The following PLEKHA6 variants were observed in gnomAD, a reference collection of about 807,000 sequenced individuals.
PLEKHA6 encodes pleckstrin homology domain containing A6.
In PLEKHA6, 60 loss-of-function variants were observed where a neutral mutation model predicts 116.7. That is an observed-to-expected ratio of 0.51 (90% CI 0.42 to 0.64). PLEKHA6 has a LOEUF of 0.64. PLEKHA6 is among the 30% of genes least tolerant of loss of function. The pLI is 0.00. For synonymous variants in PLEKHA6, 489 were observed against 556.1 expected (o/e 0.88, Z 1.70); for missense variants, 1,338 against 1,422.7 (o/e 0.94, Z 0.96).
At chr1:204,265,088 A>T (rs1553259100) in intron 5 of PLEKHA6, 46 bp from the exon 6 acceptor site, 2 of 1,310,126 alleles carry the variant, frequency 1.5e-6, no homozygotes, top group Non-Finnish European at 2.2e-6. Flanking sequence ...TGTGTGTGCA[A>T]GCGTGTGCGT....
At chr1:204,356,949 G>A (rs1673431606) in intron 1 of PLEKHA6, among the ~76,000 whole-genome samples, 1 of 152,162 alleles carries the variant, frequency 6.6e-6, no homozygotes, top group Non-Finnish European at 1.5e-5. Context: ...GAACAAAAAT[G>A]TTCCTCTTGT....
chr1:204,343,739 C>CTT (rs1558192666), intron 1 of PLEKHA6, among the ~76,000 whole-genome samples: 1 of 152,166 alleles, frequency 6.6e-6, no homozygotes, highest in Non-Finnish European at 1.5e-5. Context: ...TCACTGGGGG[C>CTT]TTTCAAGCAG....
In PLEKHA6 at chr1:204,222,190, A is replaced by G. The variant is rs972580415; in HGVS notation, c.*598T>C. On this transcript the variant is annotated 3_prime_UTR_variant, in exon 23 of 23. Transcript: ENST00000272203. ...TCTCTCATCACCTTGTCTTTGGCTCAAGCAGGGTGGTCAGTCTCCACCGGA... is the reference window on the plus strand; with the variant it reads ...TCTCTCATCACCTTGTCTTTGGCTCGAGCAGGGTGGTCAGTCTCCACCGGA... 6.6e-6 allele frequency: 1 copy of G among 152,660 alleles called. No individual in the cohort carries two copies. The highest frequency in any genetic ancestry group is 1.5e-5 in the Non-Finnish European group (1 of 68,236). The allele number at this position is 152,660 out of a possible 1,614,324, so 9.5% of individuals were successfully genotyped here.
At chr1:204,333,013 G>A (rs1237043596) in intron 1 of PLEKHA6, among the ~76,000 whole-genome samples, 1 of 152,234 alleles carries the variant, frequency 6.6e-6, no homozygotes, top group Non-Finnish European at 1.5e-5. Flanking sequence ...GGGAGGAGGA[G>A]GCAGGTTTCT....
chr1:204,335,865 C>T (rs1672630108), intron 1 of PLEKHA6, among the ~76,000 whole-genome samples: 1 of 152,180 alleles, frequency 6.6e-6, no homozygotes, highest in Non-Finnish European at 1.5e-5. Flanking sequence ...TTTGGCTCTG[C>T]CACAGCCCCT....
intron 1 of PLEKHA6, among the ~76,000 whole-genome samples, chr1:204,330,110 T>C (rs1672394850): frequency 6.6e-6 from 1 of 152,086 alleles, no homozygotes; most frequent in African/African-American, 2.4e-5. Flanking sequence ...GTTCATTTTG[T>C]TTAGGTGTGA....
chr1:204,329,281 C>T (rs947749406), intron 1 of PLEKHA6, among the ~76,000 whole-genome samples: 1 of 152,154 alleles, frequency 6.6e-6, no homozygotes, highest in Admixed American at 6.5e-5. Flanking sequence ...GGACTCTTTC[C>T]AGGACCTTCA....
At chr1:204,362,959 G>A (rs1673589758), upstream of PLEKHA6, among the ~76,000 whole-genome samples, 1 of 152,202 alleles carries the variant, frequency 6.6e-6, no homozygotes, top group South Asian at 2.1e-4. Context: ...GGGCTTCTTT[G>A]AAGCCCAGCA....
intron 5 of PLEKHA6, 49 bp from the exon 6 acceptor site, chr1:204,265,091 G>T: frequency 7.6e-7 from 1 of 1,315,334 alleles, no homozygotes; most frequent in Non-Finnish European, 1.1e-6. Flanking sequence ...GTGTGCAAGC[G>T]TGTGCGTGCG....
upstream of PLEKHA6, among the ~76,000 whole-genome samples, chr1:204,362,902 C>G (rs187850936): frequency 6.6e-6 from 1 of 152,342 alleles, no homozygotes; most frequent in Admixed American, 6.5e-5. Context: ...AACTCACTGA[C>G]TGAACAAATT....
At chr1:204,370,861 C>G (rs1673760065) in intron 2 of PLEKHA6, among the ~76,000 whole-genome samples, 1 of 152,068 alleles carries the variant, frequency 6.6e-6, no homozygotes, top group Non-Finnish European at 1.5e-5. Flanking sequence ...TGAGACCAGC[C>G]TGGCCAACAT....
intron 1 of PLEKHA6, among the ~76,000 whole-genome samples, chr1:204,341,358 C>T (rs1672840517): frequency 1.3e-5 from 2 of 152,168 alleles, no homozygotes; most frequent in Admixed American, 6.5e-5. Flanking sequence ...GGTAGGGGCC[C>T]AGGAACATGC....
intron 21 of PLEKHA6, among the ~76,000 whole-genome samples, chr1:204,227,218 T>A (rs1660487559): frequency 6.6e-6 from 1 of 152,180 alleles, no homozygotes; most frequent in African/African-American, 2.4e-5. Flanking sequence ...GCCAGTGTCA[T>A]CTCCAACCAT....
At chr1:204,356,292 G>T (rs761851966) in intron 1 of PLEKHA6, among the ~76,000 whole-genome samples, 5 of 152,142 alleles carry the variant, frequency 3.3e-5, no homozygotes, top group Non-Finnish European at 5.9e-5. Context: ...TGCTGTAAAG[G>T]CCAGGTGTGG....
chr1:204,252,566 A>T (rs1225025907), intron 9 of PLEKHA6, among the ~76,000 whole-genome samples: 2 of 152,136 alleles, frequency 1.3e-5, no homozygotes, highest in African/African-American at 2.4e-5. Context: ...AGGGAAAGTG[A>T]ATGAGAAAGG....
intron 1 of PLEKHA6, among the ~76,000 whole-genome samples, chr1:204,323,826 T>G (rs1323196088): frequency 1.3e-5 from 2 of 152,192 alleles, no homozygotes; most frequent in Non-Finnish European, 1.5e-5. Context: ...TTTGAGATGG[T>G]TGTTGTTATG....
At chr1:204,359,445 C>G (rs1673507058) in intron 1 of PLEKHA6, 1 of 202,762 alleles carries the variant, frequency 4.9e-6, no homozygotes, top group Non-Finnish European at 8.7e-6. Context: ...CAAATGTAAT[C>G]AATTTAAACA....
At chr1:204,361,045 G>T (rs1335534613), upstream of PLEKHA6, among the ~76,000 whole-genome samples, 1 of 152,164 alleles carries the variant, frequency 6.6e-6, no homozygotes, top group Non-Finnish European at 1.5e-5. Flanking sequence ...CCTCCAGGCA[G>T]GCTCGCTGGT....
chr1:204,312,640 C>T (rs1375445453), intron 1 of PLEKHA6, among the ~76,000 whole-genome samples: 5 of 152,192 alleles, frequency 3.3e-5, no homozygotes, highest in African/African-American at 1.2e-4. Flanking sequence ...CTGGCTCACC[C>T]AGGAGAGGAC....
Sources: gnomAD v4.1 joint callset for allele counts (sites outside exome capture counted in the v4.1 genomes callset) on GRCh38, gnomAD v4.1.1 for gene constraint, MANE v1.5 for transcripts, NCBI Gene and HGNC (gene_info 2026-07-23, HGNC 2026-07-21) for gene names.